Variants in ASXL3 observed in about 807,000 individuals in gnomAD.
ASXL3 encodes putative Polycomb group protein ASXL3.
A neutral mutation model predicts 170.6 loss-of-function variants in ASXL3; 34 were observed. The ratio of observed to expected loss-of-function variants is 0.20; its 90% CI spans 0.15 to 0.27. ASXL3 has a LOEUF of 0.27. Among genes scored for constraint, ASXL3 ranks in the 10% least tolerant of loss-of-function variants. The pLI is 1.00. For missense variants in ASXL3, 2,592 were observed against 2,695.3 expected (o/e 0.96, Z 0.85); for synonymous variants, 1,002 against 989.1 (o/e 1.01, Z -0.24).
At chr18:33,633,686 C>CA (rs925421907) in intron 2 of ASXL3, among the ~76,000 whole-genome samples, 15 of 149,962 alleles carry the variant, frequency 1.0e-4, no homozygotes, top group East Asian at 7.8e-4. Flanking sequence ...TACTAAAATA[C>CA]AAAAAAAAAT....
chr18:33,706,406 C>T (rs2066960152), intron 8 of ASXL3, among the ~76,000 whole-genome samples: 2 of 151,730 alleles, frequency 1.3e-5, no homozygotes, highest in Non-Finnish European at 3.0e-5. Context: ...TGCATAGATT[C>T]AGCTTTTCAA....
intron 4 of ASXL3, among the ~76,000 whole-genome samples, chr18:33,653,488 T>C (rs2066033530): frequency 6.6e-6 from 1 of 152,122 alleles, no homozygotes; most frequent in African/African-American, 2.4e-5. Context: ...ATTATGTTGT[T>C]TTAGTTACAC....
chr18:33,584,902 CTGTA>C (rs1050691021), intron 1 of ASXL3, among the ~76,000 whole-genome samples: 8 of 147,890 alleles, frequency 5.4e-5, no homozygotes, highest in African/African-American at 7.4e-5. Flanking sequence ...GTATGTGTGT[CTGTA>C]TGTGTGTGTG....
At chr18:33,595,541 T>C (rs903557955) in intron 1 of ASXL3, among the ~76,000 whole-genome samples, 1 of 151,744 alleles carries the variant, frequency 6.6e-6, no homozygotes, top group Non-Finnish European at 1.5e-5. Flanking sequence ...AAAAGGAGAG[T>C]TTATTGGAAG....
rs1489863318 is a variant in ASXL3, at chr18:33,745,553, C to G, written c.5705C>G (p.Pro1902Arg). The G allele has an allele frequency of 6.2e-7, 1 of 1,613,964 alleles. No homozygotes were observed. The change falls in exon 12 of 12, where the codon CCC (proline) becomes CGC (arginine). Residue 1902 changes from proline (P) to arginine (R), a missense_variant. Coordinates refer to ENST00000269197, the MANE Select transcript of ASXL3 (RefSeq NM_030632.3). ...GTCAAACAGCAAAAGCGGCTGCTCC[C>G]CTCGTGTAGCTTCCAGCAGAACCTA... is the stretch of plus-strand genomic sequence containing the variant. ...PEVKQQKRLLPSCSFQQNLFH... is the reference protein window; with the variant it reads ...PEVKQQKRLLRSCSFQQNLFH...
intron 8 of ASXL3, among the ~76,000 whole-genome samples, chr18:33,693,463 A>G (rs2066719644): frequency 6.6e-6 from 1 of 152,198 alleles, no homozygotes; most frequent in Non-Finnish European, 1.5e-5. Flanking sequence ...AGCAGGAAAG[A>G]AAGAGTAAAA....
In ASXL3 at chr18:33,744,080, C is replaced by G. The variant is rs767761454; in HGVS notation, c.4232C>G (p.Pro1411Arg). 1 of 1,613,890 alleles carries G rather than the reference C, an allele frequency of 6.2e-7. No individual in the cohort carries two copies. The highest frequency in any genetic ancestry group is 2.2e-5 in the East Asian group (1 of 44,888). The change falls in exon 12 of 12, where the codon CCG becomes CGG. Residue 1411 changes from proline (P) to arginine (R), a missense_variant. By Grantham distance (103) the Pro-to-Arg change is moderately radical (BLOSUM62 -2). Around this residue, in one of 4 missense-constraint regions of ASXL3, gnomAD observed 2,246 missense variants for 2,219.6 expected, o/e 1.01. Coordinates refer to ENST00000269197, the MANE Select transcript of ASXL3 (RefSeq NM_030632.3). ...GTCACAGACTCTCTGGTTGCACACCCGACCGTCGCAATGTTTACTGGAAAC... is the reference window on the plus strand; with the variant it reads ...GTCACAGACTCTCTGGTTGCACACCGGACCGTCGCAATGTTTACTGGAAAC... Reference protein sequence around the residue: ...VAVTDSLVAHPTVAMFTGNML... With the variant: ...VAVTDSLVAHRTVAMFTGNML...
Position 33,739,280 on chromosome 18 carries a change from C to T in ASXL3, c.1876C>T (p.Pro626Ser). 1 of 1,613,682 alleles carries T rather than the reference C, an allele frequency of 6.2e-7. No individual in the cohort carries two copies. The highest frequency in any genetic ancestry group is 8.5e-7 in the Non-Finnish European group (1 of 1,179,770). The change falls in exon 11 of 12, where the codon CCT (proline) becomes TCT (serine). Residue 626 changes from proline to serine, a missense_variant. Pro to Ser is a moderately conservative substitution (Grantham distance 74). Coordinates refer to ENST00000269197, the MANE Select transcript of ASXL3 (RefSeq NM_030632.3). ...CCCAGAGGGAGCCTGTACCAGCCTG[C>T]CTTCTCCAGGAGGGGAAACACAGTC... ...ESPEGACTSLPSPGGETQSTS... is the reference protein window; with the variant it reads ...ESPEGACTSLSSPGGETQSTS...
intron 4 of ASXL3, among the ~76,000 whole-genome samples, chr18:33,658,450 A>G (rs2066116883): frequency 6.6e-6 from 1 of 152,160 alleles, no homozygotes; most frequent in Non-Finnish European, 1.5e-5. Context: ...AAGAATGAAT[A>G]AAGCAAGTCA....
At chr18:33,634,884 C>G (rs2065740982) in intron 2 of ASXL3, among the ~76,000 whole-genome samples, 1 of 152,126 alleles carries the variant, frequency 6.6e-6, no homozygotes, top group African/African-American at 2.4e-5. Flanking sequence ...CCTCAAGGAG[C>G]TAGTTGCCAT....
chr18:33,707,245 A>G (rs751726195), intron 8 of ASXL3, among the ~76,000 whole-genome samples: 6 of 151,974 alleles, frequency 3.9e-5, no homozygotes, highest in Non-Finnish European at 5.9e-5. Flanking sequence ...AATAATGTCA[A>G]TGTTCCTAAA....
At chr18:33,736,590 T>C (rs1442998062) in intron 10 of ASXL3, among the ~76,000 whole-genome samples, 3 of 152,186 alleles carry the variant, frequency 2.0e-5, no homozygotes, top group Non-Finnish European at 4.4e-5. Context: ...ACATTCATAC[T>C]AGTGTGCAGT....
intron 1 of ASXL3, chr18:33,605,372 C>T (rs371757560): frequency 2.6e-5 from 4 of 152,054 alleles, no homozygotes; most frequent in Non-Finnish European, 5.9e-5. Context: ...GTTTACACAG[C>T]TCAATCAATA....
intron 4 of ASXL3, among the ~76,000 whole-genome samples, chr18:33,646,891 G>T (rs78550341): frequency 2.3e-5 from 3 of 132,312 alleles, no homozygotes; most frequent in Non-Finnish European, 4.9e-5. Flanking sequence ...GGGGGGGGGG[G>T]GCATTTTTCA....
intron 8 of ASXL3, among the ~76,000 whole-genome samples, chr18:33,729,371 C>A (rs984154753): frequency 6.6e-6 from 1 of 152,130 alleles, no homozygotes; most frequent in Non-Finnish European, 1.5e-5. Context: ...GCTGTACCTG[C>A]AGGGGAACTT....
At chr18:33,663,404 A>G (rs953938851) in intron 5 of ASXL3, among the ~76,000 whole-genome samples, 10 of 152,124 alleles carry the variant, frequency 6.6e-5, no homozygotes, top group African/African-American at 2.4e-4. Flanking sequence ...GTATTGTTCT[A>G]TATCATTAAT....
intron 8 of ASXL3, among the ~76,000 whole-genome samples, chr18:33,719,964 A>G (rs59839063): frequency 0.04 from 6,039 of 152,032 alleles, 227 homozygotes; most frequent in South Asian, 0.1. Flanking sequence ...TGTTGAAAGC[A>G]CTCAGTTAGT....
intron 1 of ASXL3, among the ~76,000 whole-genome samples, chr18:33,601,767 TTAAG>T (rs1240699511): frequency 8.4e-5 from 7 of 83,430 alleles, no homozygotes; most frequent in African/African-American, 3.4e-4. Context: ...ATCTGAGAAT[TTAAG>T]TAAATATCTG....
At chr18:33,703,461 T>G (rs1198438812) in intron 8 of ASXL3, among the ~76,000 whole-genome samples, 1 of 152,156 alleles carries the variant, frequency 6.6e-6, no homozygotes, top group African/African-American at 2.4e-5. Flanking sequence ...CTGTCACTCA[T>G]GCGGTGGAGC....
Sources: gnomAD v4.1 joint callset for allele counts (sites outside exome capture counted in the v4.1 genomes callset) on GRCh38, gnomAD v4.1.1 for gene constraint, gnomAD v4.1.1 regional missense constraint, MANE v1.5 for transcripts, NCBI Gene and HGNC (gene_info 2026-07-23, HGNC 2026-07-21) for gene names.